TMEM131: variants seen among roughly 807,000 people sequenced by gnomAD.
The protein encoded by TMEM131 is 2610524E03Rik.
In TMEM131, 66 loss-of-function variants were observed where a neutral mutation model predicts 211.6. The ratio of observed to expected loss-of-function variants is 0.31; its 90% CI spans 0.26 to 0.38. TMEM131 has a LOEUF of 0.38. TMEM131 is among the 10% of genes least tolerant of loss of function. TMEM131 has a pLI of 1.00. For synonymous variants in TMEM131, 844 were observed against 841.3 expected (o/e 1.00, Z -0.06); for missense variants, 2,036 against 2,299.3 (o/e 0.89, Z 2.34).
rs1036006679 is a variant in TMEM131 at position 97,943,909 on chromosome 2, C to T, written c.188-16422G>A. On this transcript the variant is annotated intron_variant, in intron 1 of 40. Transcript: ENST00000186436. ...CCATCCTGGCCAACATGCTGAAACC[C>T]CATCTCTACTAAAAATACAAAAATT... Among the ~76,000 whole-genome samples the T allele has an allele frequency of 7.2e-5, 11 of 152,138 alleles. 1 individual carries two copies. The East Asian group carries it at 1.9e-3, about 27-fold the overall frequency.
intron 40 of TMEM131, 60 bp from the exon 41 acceptor site, chr2:97,757,443 A>AG: frequency 1.3e-6 from 2 of 1,517,992 alleles, no homozygotes; most frequent in Non-Finnish European, 1.8e-6. Context: ...CAAGTGGGTA[A>AG]GGGGGTAAGG....
chr2:97,920,968 CGA>C (rs1432785451), intron 2 of TMEM131, among the ~76,000 whole-genome samples: 7 of 101,534 alleles, frequency 6.9e-5, no homozygotes, highest in East Asian at 6.8e-4. Context: ...TAAAAAATCC[CGA>C]GTGTGTGTGT....
intron 1 of TMEM131, among the ~76,000 whole-genome samples, chr2:97,941,022 C>T (rs552249832): frequency 1.3e-5 from 2 of 152,138 alleles, no homozygotes; most frequent in Admixed American, 1.3e-4. Flanking sequence ...CCAAGACAAT[C>T]CTAAGCCAAA....
chr2:97,869,259 G>T (rs1258232226), intron 4 of TMEM131, among the ~76,000 whole-genome samples: 1 of 152,250 alleles, frequency 6.6e-6, no homozygotes, highest in African/African-American at 2.4e-5. Context: ...TAATGGACAG[G>T]TAATTTGGGG....
chr2:97,760,535 G>A, intron 38 of TMEM131, 58 bp downstream of exon 38: 5 of 1,496,330 alleles, frequency 3.3e-6, no homozygotes, highest in African/African-American at 2.8e-5. Context: ...ATAAAAAGGT[G>A]CTAACCCGAC....
intron 1 of TMEM131, among the ~76,000 whole-genome samples, chr2:97,944,686 C>T (rs574290653): frequency 3.9e-5 from 6 of 152,188 alleles, no homozygotes; most frequent in South Asian, 2.1e-4. Context: ...GATACATAAA[C>T]GGACAATAAT....
chr2:97,801,053 T>G (rs1483951092), intron 25 of TMEM131, among the ~76,000 whole-genome samples: 1 of 152,254 alleles, frequency 6.6e-6, no homozygotes, highest in Non-Finnish European at 1.5e-5. Context: ...GGCTAATATA[T>G]GCCTTACAGA....
Position 97,757,191 on chromosome 2 carries a change from G to T in TMEM131, c.5560C>A (p.Gln1854Lys). The part of the protein sequence containing the change: ...STSSPADDLG[Q>K]TYNPWRIWSP... ...CATATCCGCCACGGGTTGTAGGTCT[G>T]TCCCAAGTCGTCAGCTGGACTGGAG... Residue 1854 changes from glutamine (Q) to lysine (K), a missense_variant, in exon 41 of 41, where the codon CAG becomes AAG. Around this residue, in one of 3 missense-constraint regions of TMEM131, gnomAD observed 1,623 missense variants for 1,805.9 expected, o/e 0.90. Coordinates refer to ENST00000186436, the MANE Select transcript of TMEM131 (RefSeq NM_015348.2). 6.2e-7 allele frequency: 1 copy of T among 1,614,026 alleles called. No homozygotes were observed. Among genetic ancestry groups the T allele is most frequent in the Non-Finnish European group, 8.5e-7 (1 of 1,179,892 alleles).
intron 19 of TMEM131, among the ~76,000 whole-genome samples, chr2:97,806,242 A>G (rs539926150): frequency 3.9e-5 from 6 of 152,314 alleles, no homozygotes; most frequent in African/African-American, 1.4e-4. Context: ...GTATCTTATT[A>G]AAACAGTACA....
At chr2:97,934,636 A>G (rs1441841345) in intron 1 of TMEM131, among the ~76,000 whole-genome samples, 1 of 152,222 alleles carries the variant, frequency 6.6e-6, no homozygotes, top group Non-Finnish European at 1.5e-5. Flanking sequence ...TCAGTAACCA[A>G]GGCAGTGTGA....
At chr2:97,842,952 T>C (rs1683265746) in intron 6 of TMEM131, among the ~76,000 whole-genome samples, 1 of 152,036 alleles carries the variant, frequency 6.6e-6, no homozygotes, top group Non-Finnish European at 1.5e-5. Flanking sequence ...GCTAAAGATT[T>C]ACTCACCATA....
At chr2:97,843,320 A>G (rs2105106395) in intron 6 of TMEM131, among the ~76,000 whole-genome samples, 1 of 152,216 alleles carries the variant, frequency 6.6e-6, no homozygotes, top group Admixed American at 6.5e-5. Context: ...AATATGAGCA[A>G]TTATTGTTAA....
intron 25 of TMEM131, among the ~76,000 whole-genome samples, chr2:97,798,538 C>T (rs541938265): frequency 6.6e-5 from 10 of 152,364 alleles, no homozygotes; most frequent in South Asian, 2.1e-4. Context: ...ATTCTTGCTT[C>T]TGAGGTAAAT....
chr2:97,877,121 A>C (rs1288101072), intron 4 of TMEM131, among the ~76,000 whole-genome samples: 1 of 152,206 alleles, frequency 6.6e-6, no homozygotes, highest in Non-Finnish European at 1.5e-5. Context: ...CGAAGAGAAC[A>C]AAATACCTAG....
intron 4 of TMEM131, among the ~76,000 whole-genome samples, chr2:97,866,827 C>CTT (rs1472620234): frequency 1.3e-5 from 2 of 152,148 alleles, no homozygotes; most frequent in Admixed American, 1.3e-4. Context: ...AGAGAACATA[C>CTT]TTTGTACAGG....
chr2:97,995,482 T>C lies in TMEM131; in HGVS notation c.181A>G (p.Lys61Glu). ...TLVVAAARAE[K>E]EAFVQSESII... ...GCCGCCGGGGGACACCCACCTTCCT[T>C]CTCGGCCCGCGCCGCAGCCACTACG... is the stretch of plus-strand genomic sequence containing the variant. The change falls in exon 1 of 41, where the codon AAG becomes GAG. Residue 61 changes from lysine (K) to glutamate (E), a missense_variant. Lys to Glu is a moderately conservative substitution (Grantham distance 56, BLOSUM62 1). This residue lies in a region of TMEM131 where 136 missense variants were observed against 115.4 expected (regional missense o/e 1.18). Transcript: ENST00000186436. 1 of 1,405,178 alleles carries C rather than the reference T, an allele frequency of 7.1e-7. No homozygotes were observed. Among genetic ancestry groups the C allele is most frequent in the Non-Finnish European group, 9.3e-7 (1 of 1,074,526 alleles). The allele number at this position is 1,405,178 out of a possible 1,614,324, so 87.0% of individuals were successfully genotyped here. A position where few individuals can be genotyped will look rare whatever the true frequency, so the allele number is the denominator to read the frequency against.
chr2:97,932,995 C>A (rs1026425545), intron 1 of TMEM131, among the ~76,000 whole-genome samples: 1 of 152,140 alleles, frequency 6.6e-6, no homozygotes. Flanking sequence ...GAAAACTTGC[C>A]ATTGTGTTAC....
At chr2:97,847,852 T>C (rs537304978) in intron 5 of TMEM131, among the ~76,000 whole-genome samples, 1 of 152,308 alleles carries the variant, frequency 6.6e-6, no homozygotes, top group East Asian at 1.9e-4. Context: ...TGGAGAGTAT[T>C]ACTTTTCTGT....
chr2:97,970,531 CA>C, intron 1 of TMEM131, among the ~76,000 whole-genome samples: 1 of 152,254 alleles, frequency 6.6e-6, no homozygotes, highest in African/African-American at 2.4e-5. Flanking sequence ...ATAATTTGCC[CA>C]AGGACACACA....
Sources: gnomAD v4.1 joint callset for allele counts (sites outside exome capture counted in the v4.1 genomes callset) on GRCh38, gnomAD v4.1.1 for gene constraint, gnomAD v4.1.1 regional missense constraint, MANE v1.5 for transcripts, NCBI Gene and HGNC (gene_info 2026-07-23, HGNC 2026-07-21) for gene names.